FBXL5: variants seen among roughly 807,000 people sequenced by gnomAD.
The protein encoded by FBXL5 is F-box and leucine rich repeat protein 5.
FBXL5 carries 26 observed loss-of-function variants against 78.3 expected under a neutral mutation model. The ratio of observed to expected loss-of-function variants is 0.33; its 90% CI spans 0.24 to 0.46. FBXL5 has a LOEUF of 0.46. Ranked by LOEUF, FBXL5 falls within the 20% of genes least tolerant of loss-of-function variation. The pLI, the probability that FBXL5 is intolerant of heterozygous loss-of-function variation, is 1.00. For synonymous variants in FBXL5, 295 were observed against 282.5 expected, an observed-to-expected ratio of 1.04 and a Z score of -0.45; for missense variants, 710 against 829.2, an observed-to-expected ratio of 0.86 and a Z score of 1.77.
Position 15,655,302 on chromosome 4 carries a change from C to T in FBXL5, c.-15G>A, listed in dbSNP as rs1431533005. 7.2e-7 allele frequency: 1 copy of T among 1,393,662 alleles called. No homozygotes were observed. The highest frequency in any genetic ancestry group is 1.5e-5 in the African/African-American group (1 of 67,120). 86.3% of individuals were successfully genotyped at this position (1,393,662 alleles called of 1,614,324 possible). On this transcript the variant is annotated 5_prime_UTR_variant, in exon 1 of 11. Transcript: ENST00000341285. ...AAGGGCGCCATCGCCACTGCCTCAG[C>T]CTCCGCCTCAGCAGCCGCGGCCGCC...
intron 9 of FBXL5, among the ~76,000 whole-genome samples, chr4:15,623,830 T>A (rs2148568825): frequency 6.6e-6 from 1 of 152,128 alleles, no homozygotes; most frequent in Non-Finnish European, 1.5e-5. Flanking sequence ...ACAATAGTTT[T>A]TTTTTTTTTT....
chr4:15,678,269 T>A (rs1304546140), intron 1 of FBXL5, among the ~76,000 whole-genome samples: 1 of 152,238 alleles, frequency 6.6e-6, no homozygotes, highest in Non-Finnish European at 1.5e-5. Context: ...CTAACAAGAA[T>A]GGCTTCATTA....
chr4:15,666,544 TCAGGTAGA>T (rs137957142), intron 1 of FBXL5, among the ~76,000 whole-genome samples: 14,029 of 152,152 alleles, frequency 0.092, 777 homozygotes, highest in Non-Finnish European at 0.13. Flanking sequence ...ATGCAAAGTG[TCAGGTAGA>T]CAGGAGGAAT....
intron 1 of FBXL5, among the ~76,000 whole-genome samples, chr4:15,654,859 C>T (rs1404902678): frequency 1.3e-5 from 2 of 152,160 alleles, no homozygotes; most frequent in African/African-American, 2.4e-5. Flanking sequence ...GAGGTAGGGC[C>T]GCTCTCCTTA....
At chr4:15,640,115 A>G (rs1714697264) in intron 3 of FBXL5, among the ~76,000 whole-genome samples, 1 of 152,196 alleles carries the variant, frequency 6.6e-6, no homozygotes, top group Non-Finnish European at 1.5e-5. Context: ...ATCATGGCTC[A>G]CTGCAGTCTC....
intron 5 of FBXL5, among the ~76,000 whole-genome samples, chr4:15,634,723 G>A (rs548663936): frequency 5.3e-5 from 8 of 152,004 alleles, no homozygotes; most frequent in African/African-American, 1.9e-4. Flanking sequence ...AGGCTTATTG[G>A]AACTTTTTGT....
chr4:15,622,334 G>GT (rs1712575730), intron 9 of FBXL5, among the ~76,000 whole-genome samples: 1 of 152,130 alleles, frequency 6.6e-6, no homozygotes, highest in Non-Finnish European at 1.5e-5. Flanking sequence ...TGTACTTACT[G>GT]TAACTGGTTG....
chr4:15,624,953 G>A (rs891365827), intron 9 of FBXL5, among the ~76,000 whole-genome samples: 2 of 152,166 alleles, frequency 1.3e-5, no homozygotes, highest in African/African-American at 4.8e-5. Flanking sequence ...AGTAAAAATT[G>A]TACCTTCTTC....
At chr4:15,640,393 G>GAAAA (rs33987840) in intron 3 of FBXL5, among the ~76,000 whole-genome samples, 6,153 of 91,306 alleles carry the variant, frequency 0.067, 345 homozygotes, top group Non-Finnish European at 0.097. Context: ...CTACACTACT[G>GAAAA]AAAAAAAAAA....
intron 2 of FBXL5, 125 bp from the exon 3 acceptor site, chr4:15,641,008 G>A (rs1320466770): frequency 5.9e-6 from 3 of 507,210 alleles, no homozygotes; most frequent in Non-Finnish European, 1.0e-5. Context: ...TTGCAAAGTG[G>A]TCTCTGTACT....
At chr4:15,625,123 G>A (rs544927725) in intron 9 of FBXL5, 129 bp downstream of exon 9, 40 of 992,064 alleles carry the variant, frequency 4.0e-5, no homozygotes, top group Non-Finnish European at 5.2e-5. Flanking sequence ...CTCTGAAGTA[G>A]GGCAGATCTT....
chr4:15,636,134 C>CT (rs1398507248), intron 5 of FBXL5, among the ~76,000 whole-genome samples: 1 of 151,960 alleles, frequency 6.6e-6, no homozygotes, highest in African/African-American at 2.4e-5. Context: ...GTTTTGAAAG[C>CT]TTACTAATTG....
At chr4:15,622,688 A>C (rs1200304486) in intron 9 of FBXL5, among the ~76,000 whole-genome samples, 2 of 152,234 alleles carry the variant, frequency 1.3e-5, no homozygotes, top group African/African-American at 4.8e-5. Context: ...AGCAATTAGA[A>C]CAGTGCAAGA....
At chr4:15,673,065 G>A (rs185567650) in intron 1 of FBXL5, among the ~76,000 whole-genome samples, 72 of 152,196 alleles carry the variant, frequency 4.7e-4, no homozygotes, top group Admixed American at 3.7e-3. Flanking sequence ...CAATGCCTTC[G>A]TCTGTAATAC....
intron 2 of FBXL5, chr4:15,641,765 G>A: frequency 2.8e-6 from 1 of 351,996 alleles, no homozygotes; most frequent in Non-Finnish European, 5.5e-6. Context: ...GGTGGCTCAT[G>A]CCTGTAATCC....
chr4:15,663,815 CCT>C (rs1252597995), upstream of FBXL5, among the ~76,000 whole-genome samples: 3 of 152,174 alleles, frequency 2.0e-5, no homozygotes, highest in African/African-American at 7.2e-5. Flanking sequence ...CATTTTCTGT[CCT>C]CTGAGTTTGC....
At chr4:15,637,401 T>C (rs1236874041) in intron 4 of FBXL5, among the ~76,000 whole-genome samples, 1 of 152,146 alleles carries the variant, frequency 6.6e-6, no homozygotes, top group African/African-American at 2.4e-5. Context: ...AGTGTTACAA[T>C]AAAAAATATA....
upstream of FBXL5, among the ~76,000 whole-genome samples, chr4:15,656,528 A>C (rs1197259776): frequency 6.6e-6 from 1 of 152,238 alleles, no homozygotes; most frequent in East Asian, 1.9e-4. Context: ...CAAATAATGG[A>C]GTAGAAGAAG....
At chr4:15,648,783 A>G (rs954996361) in intron 1 of FBXL5, among the ~76,000 whole-genome samples, 3 of 152,304 alleles carry the variant, frequency 2.0e-5, no homozygotes, top group Non-Finnish European at 2.9e-5. Flanking sequence ...TTCTGGGGAT[A>G]TAAGGTACAG....
Sources: gnomAD v4.1 joint callset for allele counts (sites outside exome capture counted in the v4.1 genomes callset) on GRCh38, gnomAD v4.1.1 for gene constraint, MANE v1.5 for transcripts, NCBI Gene and HGNC (gene_info 2026-07-23, HGNC 2026-07-21) for gene names.